CLASP1: variants seen among roughly 807,000 people sequenced by gnomAD.
CLASP1 encodes cytoplasmic linker associated protein 1.
A neutral mutation model predicts 192.3 loss-of-function variants in CLASP1; 38 were observed. The ratio of observed to expected loss-of-function variants is 0.20; its 90% confidence interval spans 0.15 to 0.26. CLASP1 has a LOEUF of 0.26. Ranked by LOEUF, CLASP1 falls within the 10% of genes least tolerant of loss-of-function variation. The probability of loss-of-function intolerance (pLI) is 1.00; values close to 1 mark genes in which losing one functional copy is unlikely to be tolerated. For missense variants in CLASP1, 1,433 were observed against 1,932.5 expected (o/e 0.74, Z 4.85); for synonymous variants, 691 against 712.8 (o/e 0.97, Z 0.49).
intron 8 of CLASP1, among the ~76,000 whole-genome samples, chr2:121,487,995 C>A (rs1047092220): frequency 4.6e-5 from 7 of 152,162 alleles, no homozygotes; most frequent in African/African-American, 1.7e-4. Flanking sequence ...GCAATACCCC[C>A]ACTGTTGTTT....
At chr2:121,399,437 G>C (rs2075816244) in intron 28 of CLASP1, among the ~76,000 whole-genome samples, 1 of 152,152 alleles carries the variant, frequency 6.6e-6, no homozygotes, top group Admixed American at 6.5e-5. Context: ...GCATGGGGTG[G>C]ATGGAGAATA....
intron 6 of CLASP1, among the ~76,000 whole-genome samples, chr2:121,521,666 G>A (rs2094459882): frequency 6.6e-6 from 1 of 152,166 alleles, no homozygotes; most frequent in African/African-American, 2.4e-5. Context: ...ACTGCATTCG[G>A]ACCACCAAGG....
intron 4 of CLASP1, among the ~76,000 whole-genome samples, chr2:121,528,422 C>T (rs756563578): frequency 3.9e-5 from 6 of 152,218 alleles, no homozygotes; most frequent in Non-Finnish European, 5.9e-5. Flanking sequence ...GCTGAAGAGT[C>T]TAATGGATTA....
At chr2:121,592,858 T>C (rs908028833) in intron 2 of CLASP1, among the ~76,000 whole-genome samples, 1 of 152,168 alleles carries the variant, frequency 6.6e-6, no homozygotes, top group African/African-American at 2.4e-5. Context: ...TTCACCGTGC[T>C]AGCCAGGATG....
In CLASP1 at chr2:121,530,332, CG is replaced by C; in HGVS notation, c.196-8del. The C allele has an allele frequency of 6.5e-7, 1 of 1,546,584 alleles. No individual in the cohort carries two copies. The highest frequency in any genetic ancestry group is 8.7e-7 in the Non-Finnish European group (1 of 1,144,060). ...CCATGCCCAGCAGAACCACCTGCAG[CG>C]GGAAACACCGGGAGCCTGTTAGCAG... On this transcript the variant is annotated splice_region_variant and splice_polypyrimidine_tract_variant and intron_variant, in intron 2 of 39. Transcript: ENST00000263710.
chr2:121,404,151 T>C (rs1486856205), intron 26 of CLASP1: 1 of 397,852 alleles, frequency 2.5e-6, no homozygotes, highest in African/African-American at 2.2e-5. Context: ...TGATAACATT[T>C]ACTTGAAACA....
intron 8 of CLASP1, among the ~76,000 whole-genome samples, chr2:121,486,493 A>C (rs917629351): frequency 7.2e-5 from 11 of 152,078 alleles, no homozygotes; most frequent in African/African-American, 2.7e-4. Context: ...CACAGTACTT[A>C]TTTTACCTTC....
chr2:121,550,299 T>C (rs2057914502), intron 2 of CLASP1, among the ~76,000 whole-genome samples: 1 of 151,784 alleles, frequency 6.6e-6, no homozygotes, highest in South Asian at 2.1e-4. Context: ...AAAAGAAAGA[T>C]TTCAAATTAA....
chr2:121,425,219 G>A, exon 22 of CLASP1: 1 of 1,613,734 alleles, frequency 6.2e-7, no homozygotes, highest in Non-Finnish European at 8.5e-7. Context: ...TGAAGACGGT[G>A]TCACAGGTGG....
chr2:121,507,646 T>C (rs1575542581), intron 7 of CLASP1, among the ~76,000 whole-genome samples: 1 of 152,166 alleles, frequency 6.6e-6, no homozygotes, highest in Non-Finnish European at 1.5e-5. Context: ...CTTCACAAAT[T>C]TGATATAAAA....
chr2:121,470,039 T>G, intron 8 of CLASP1, 79 bp from the exon 9 acceptor site: 1 of 1,145,554 alleles, frequency 8.7e-7, no homozygotes, highest in Non-Finnish European at 1.2e-6. Flanking sequence ...TTTCACCTGA[T>G]TATAAAACAA....
chr2:121,438,327 A>T (rs1485812232), intron 19 of CLASP1, among the ~76,000 whole-genome samples: 1 of 152,216 alleles, frequency 6.6e-6, no homozygotes, highest in Non-Finnish European at 1.5e-5. Flanking sequence ...AAATTATGAG[A>T]AAAGATTAGG....
intron 25 of CLASP1, among the ~76,000 whole-genome samples, chr2:121,405,221 A>G (rs1411474672): frequency 2.0e-5 from 3 of 152,206 alleles, no homozygotes; most frequent in South Asian, 4.1e-4. Context: ...AGGCAGGAGA[A>G]TTGTTTGAAC....
rs142662728 is a variant in CLASP1, at chr2:121,421,763, C to A, written c.2213-3034G>T. Among the ~76,000 whole-genome samples the A allele has an allele frequency of 4.2e-3, 637 of 152,082 alleles. 3 individuals are homozygous for A. The highest frequency in any genetic ancestry group is 0.015 in the African/African-American group (618 of 41,486). ...TTGCCATGGTGGTCAGGCTGGTCTC[C>A]AACTCCTGACCTCAAGGGATTCATC... On this transcript the variant is annotated intron_variant, in intron 22 of 39. Transcript: ENST00000263710.
At chr2:121,412,872 A>T (rs1229288062) in intron 23 of CLASP1, among the ~76,000 whole-genome samples, 1 of 152,202 alleles carries the variant, frequency 6.6e-6, no homozygotes. Flanking sequence ...CAAGGCTCTG[A>T]TACTATTATG....
intron 2 of CLASP1, among the ~76,000 whole-genome samples, chr2:121,605,148 T>G (rs893020106): frequency 3.2e-5 from 3 of 93,052 alleles, no homozygotes; most frequent in Non-Finnish European, 5.8e-5. Context: ...CCTACCAAGG[T>G]CACATAAACA....
chr2:121,581,420 G>A (rs1338926598), intron 2 of CLASP1, among the ~76,000 whole-genome samples: 5 of 151,020 alleles, frequency 3.3e-5, no homozygotes, highest in African/African-American at 7.3e-5. Context: ...GACTACAGGC[G>A]CCCGCCACCA....
chr2:121,409,875 A>G (rs1187001917), intron 24 of CLASP1, among the ~76,000 whole-genome samples: 1 of 152,230 alleles, frequency 6.6e-6, no homozygotes, highest in East Asian at 1.9e-4. Flanking sequence ...ACAGGTGGCC[A>G]GGCAGCTTGC....
At chr2:121,603,819 G>T (rs931511579) in intron 2 of CLASP1, among the ~76,000 whole-genome samples, 11 of 152,200 alleles carry the variant, frequency 7.2e-5, no homozygotes, top group African/African-American at 2.4e-4. Context: ...GCCAGGAACA[G>T]AAAGTTAAAC....
Sources: allele counts gnomAD v4.1 joint callset (sites outside exome capture counted in the v4.1 genomes callset), GRCh38; gene constraint gnomAD v4.1.1; transcripts MANE v1.5; gene names NCBI Gene and HGNC (gene_info 2026-07-23, HGNC 2026-07-21).